The following MAT1A variants were observed in gnomAD, a reference collection of about 807,000 sequenced individuals.
The protein encoded by MAT1A is S-adenosylmethionine synthase isoform type-1.
A neutral mutation model predicts 44.0 loss-of-function variants in MAT1A; 19 were observed. The observed-to-expected ratio is 0.43, with a 90% CI of 0.30 to 0.63. The LOEUF (loss-of-function observed/expected upper bound fraction) is 0.63. Ranked by LOEUF, MAT1A falls within the 30% of genes least tolerant of loss-of-function variation. The pLI is 0.12. For synonymous variants in MAT1A, 205 were observed against 205.6 expected (o/e 1.00, Z 0.03); for missense variants, 397 against 531.0 (o/e 0.75, Z 2.48).
At chr10:80,283,197 A>T (rs902242299) in intron 3 of MAT1A, among the ~76,000 whole-genome samples, 2 of 152,234 alleles carry the variant, frequency 1.3e-5, no homozygotes, top group African/African-American at 4.8e-5. Context: ...GATCGCATAC[A>T]GGCCCTCCGC....
At chr10:80,279,125 A>G (rs1400246543) in intron 5 of MAT1A, among the ~76,000 whole-genome samples, 2 of 152,188 alleles carry the variant, frequency 1.3e-5, no homozygotes, top group Non-Finnish European at 2.9e-5. Context: ...AAAACACTGA[A>G]TAGATGTTAG....
intron 1 of MAT1A, among the ~76,000 whole-genome samples, chr10:80,287,510 G>A (rs2132710905): frequency 6.6e-6 from 1 of 152,306 alleles, no homozygotes; most frequent in Middle Eastern, 3.4e-3. Context: ...TAGACAAATT[G>A]ATTGGCTGTC....
chr10:80,285,493 G>T lies in MAT1A; in HGVS notation c.169+19C>A, dbSNP rs748843355. 2 of 1,610,318 alleles carry T rather than the reference G, an allele frequency of 1.2e-6. No individual in the cohort carries two copies. The highest frequency in any genetic ancestry group is 3.3e-4 in the Middle Eastern group (2 of 6,078). On this transcript the variant is annotated intron_variant, in intron 2 of 8. Transcript: ENST00000372213. ...AGCCCACTTAGGTCTCCAGCAGGGA[G>T]GGATCGGGTGTTTCTTACCACAGGC... is the stretch of plus-strand genomic sequence containing the variant.
chr10:80,274,753 T>A, intron 7 of MAT1A, 100 bp from the exon 8 acceptor site: 1 of 1,513,984 alleles, frequency 6.6e-7, no homozygotes, highest in Non-Finnish European at 9.0e-7. Context: ...GGGGACCACA[T>A]GCCTCTTGCC....
Position 80,280,331 on chromosome 10 carries a change from C to T in MAT1A, c.406-15G>A, listed in dbSNP as rs767900678. ...AACATCAAACCCTGTGGCGAGAGAG[C>T]AGGCTGAGCGGCGCCCACCCTAGAC... On this transcript the variant is annotated splice_polypyrimidine_tract_variant and intron_variant, in intron 4 of 8. Coordinates refer to ENST00000372213, the MANE Select transcript of MAT1A (RefSeq NM_000429.3). The T allele has an allele frequency of 1.9e-6, 3 of 1,613,596 alleles. No individual in the cohort carries two copies. Among genetic ancestry groups the T allele is most frequent in the African/African-American group, 1.3e-5 (1 of 74,988 alleles).
At chr10:80,279,711 A>G (rs1841534174) in intron 5 of MAT1A, among the ~76,000 whole-genome samples, 1 of 146,568 alleles carries the variant, frequency 6.8e-6, no homozygotes, top group African/African-American at 2.6e-5. Context: ...ATGAGAAACA[A>G]AGATGAGAAA....
At position 80,283,981 on chromosome 10, in the gene MAT1A, A is replaced by T. The variant is rs572741145; in HGVS notation, c.227T>A (p.Met76Lys). ...LLCGEITSMA[M>K]VDYQRVVRDT... ...CCTCACCACCCGCTGGTAGTCCACC[A>T]TGGCCATTGAGGTGATCTCACCACA... is the stretch of plus-strand genomic sequence containing the variant. Residue 76 changes from methionine to lysine, a missense_variant, in exon 3 of 9, where the codon ATG (methionine) becomes AAG (lysine). Physicochemically the swap from Met to Lys is moderately conservative, Grantham distance 95 (BLOSUM62 -1). Transcript: ENST00000372213. 6.2e-7 allele frequency: 1 copy of T among 1,614,088 alleles called. No individual in the cohort carries two copies. Among genetic ancestry groups the T allele is most frequent in the South Asian group, 1.1e-5 (1 of 91,094 alleles).
chr10:80,274,973 G>A (rs55855057), intron 7 of MAT1A, 44 bp downstream of exon 7: 193,722 of 1,544,440 alleles, frequency 0.13, 13,785 homozygotes, highest in South Asian at 0.24. Flanking sequence ...ACTGGGCAGG[G>A]GTCCTCCACT....
At chr10:80,288,493 C>G (rs893704668) in intron 1 of MAT1A, among the ~76,000 whole-genome samples, 3 of 152,196 alleles carry the variant, frequency 2.0e-5, no homozygotes, top group African/African-American at 7.2e-5. Context: ...TAGTTCTCAC[C>G]GTCATCAAGG....
In MAT1A at chr10:80,289,499, TTC is replaced by T; in HGVS notation, c.-78_-77del. The T allele has an allele frequency of 1.1e-5, 11 of 1,010,976 alleles. No homozygotes were observed. The highest frequency in any genetic ancestry group is 1.6e-5 in the Non-Finnish European group (10 of 639,268). The allele number at this position is 1,010,976 out of a possible 1,614,324, so 62.6% of individuals were successfully genotyped here. ...GTGACTTTGCCTGAGTTTTTTTTTC[TTC>T]TTCTTCTTCTTCTTTCAACCCAACA... is the stretch of plus-strand genomic sequence containing the variant. On this transcript the variant is annotated 5_prime_UTR_variant, in exon 1 of 9. Coordinates refer to ENST00000372213, the MANE Select transcript of MAT1A (RefSeq NM_000429.3).
intron 6 of MAT1A, among the ~76,000 whole-genome samples, chr10:80,275,934 G>A (rs1841478922): frequency 6.6e-6 from 1 of 152,228 alleles, no homozygotes; most frequent in African/African-American, 2.4e-5. Flanking sequence ...GTGGTGCCCT[G>A]TCTAAAACAC....
rs538180590 is a variant in MAT1A, at chr10:80,288,932, T to G, written c.91+401A>C. 6.0e-4 allele frequency among the ~76,000 whole-genome samples: 92 copies of G among 152,300 alleles called. 1 individual carries two copies. The highest frequency in any genetic ancestry group is 3.4e-3 in the Middle Eastern group (1 of 294). ...AGCACGGCTTCATCAGGAGGGACTG[T>G]TTTATGAAACTACTCCATGCTGTTT... On this transcript the variant is annotated intron_variant, in intron 1 of 8. Transcript: ENST00000372213.
chr10:80,280,864 G>A, intron 3 of MAT1A, 72 bp from the exon 4 acceptor site: 1 of 1,091,322 alleles, frequency 9.2e-7, no homozygotes, highest in East Asian at 2.4e-5. Flanking sequence ...CCCAATGGAT[G>A]GCTCGGTTCC....
chr10:80,280,371 C>G, intron 4 of MAT1A, 55 bp from the exon 5 acceptor site: 1 of 1,607,490 alleles, frequency 6.2e-7, no homozygotes. Context: ...AGGACCGCAG[C>G]TCTCTCCAAG....
rs183652762 is a variant in MAT1A, at chr10:80,273,570, C to T, written c.*211G>A. On this transcript the variant is annotated 3_prime_UTR_variant, in exon 9 of 9. Transcript: ENST00000372213. ...GAGGGAGCAGCAGGAGAACACCATGCCCATCCTTACATCAAGATCCAACCT... is the reference window on the plus strand; with the variant it reads ...GAGGGAGCAGCAGGAGAACACCATGTCCATCCTTACATCAAGATCCAACCT... The T allele has an allele frequency of 5.6e-4, 330 of 588,340 alleles. No individual in the cohort carries two copies. Among genetic ancestry groups the T allele is most frequent in the Admixed American group, 1.5e-3 (53 of 35,128 alleles). The allele number at this position is 588,340 out of a possible 1,614,324, so 36.4% of individuals were successfully genotyped here. A position where few individuals can be genotyped will look rare whatever the true frequency, so the allele number is the denominator to read the frequency against.
In MAT1A at chr10:80,275,120, G is replaced by C. The variant is rs1235265597; in HGVS notation, c.848C>G (p.Ser283Cys). ...GWGAHGGGAF[S>C]GKDYTKVDRS... ...GTCTACCTTGGTGTAGTCCTTCCCAGAGAAGGCCCCACCACCATGAGCCCC... is the reference window on the plus strand; with the variant it reads ...GTCTACCTTGGTGTAGTCCTTCCCACAGAAGGCCCCACCACCATGAGCCCC... Residue 283 changes from serine to cysteine, a missense_variant, in exon 7 of 9, where the codon TCT becomes TGT. Ser to Cys is a moderately radical substitution (Grantham distance 112). Coordinates refer to ENST00000372213, the MANE Select transcript of MAT1A (RefSeq NM_000429.3). The C allele has an allele frequency of 1.9e-6, 3 of 1,611,896 alleles. No homozygotes were observed. The highest frequency in any genetic ancestry group is 2.2e-5 in the East Asian group (1 of 44,830).
At chr10:80,280,481 A>C (rs1234602098) in intron 4 of MAT1A, among the ~76,000 whole-genome samples, 165 bp from the exon 5 acceptor site, 6 of 151,870 alleles carry the variant, frequency 4.0e-5, no homozygotes, top group African/African-American at 1.2e-4. Flanking sequence ...GACCCCCAAC[A>C]CTCTAGGAGG....
At chr10:80,284,748 C>T (rs920883006) in intron 2 of MAT1A, among the ~76,000 whole-genome samples, 3 of 152,206 alleles carry the variant, frequency 2.0e-5, no homozygotes, top group African/African-American at 4.8e-5. Context: ...GACCTGATCA[C>T]CCTGGGGCCC....
intron 2 of MAT1A, 95 bp from the exon 3 acceptor site, chr10:80,284,133 C>T: frequency 6.7e-7 from 1 of 1,502,982 alleles, no homozygotes; most frequent in Non-Finnish European, 9.1e-7. Flanking sequence ...ACAGAAAAGA[C>T]ACAGGAGGGG....
Sources: gnomAD v4.1 joint callset for allele counts (sites outside exome capture counted in the v4.1 genomes callset) on GRCh38, gnomAD v4.1.1 for gene constraint, MANE v1.5 for transcripts, NCBI Gene and HGNC (gene_info 2026-07-23, HGNC 2026-07-21) for gene names.